The following GUCY1A2 variants were observed in gnomAD, a reference collection of about 807,000 sequenced individuals.
GUCY1A2 encodes the protein guanylate cyclase 1 soluble subunit alpha 2.
Under a neutral mutation model 63.5 loss-of-function variants are expected in GUCY1A2, and 27 were observed. The ratio of observed to expected loss-of-function variants is 0.43; its 90% CI spans 0.31 to 0.59. GUCY1A2 has a LOEUF of 0.59. GUCY1A2 is among the 20% of genes least tolerant of loss of function. The pLI is 0.11. For synonymous variants in GUCY1A2, 364 were observed against 343.5 expected, an observed-to-expected ratio of 1.06 and a Z score of -0.66; for missense variants, 768 against 913.3, an observed-to-expected ratio of 0.84 and a Z score of 2.05.
At chr11:106,914,933 G>C (rs982062112) in intron 4 of GUCY1A2, among the ~76,000 whole-genome samples, 4 of 152,056 alleles carry the variant, frequency 2.6e-5, no homozygotes, top group African/African-American at 9.7e-5. Flanking sequence ...GACAATGCAA[G>C]CAAGAACAGA....
intron 6 of GUCY1A2, among the ~76,000 whole-genome samples, chr11:106,721,638 A>G (rs1214854742): frequency 6.6e-6 from 1 of 152,200 alleles, no homozygotes; most frequent in Non-Finnish European, 1.5e-5. Flanking sequence ...TAACGTCAGC[A>G]GTAGGTCTCT....
chr11:106,675,850 TAAC>T lies in GUCY1A2; in HGVS notation c.*11696_*11698del, dbSNP rs1862337101. The T allele has an allele frequency of 5.3e-6, 1 of 188,594 alleles. No homozygotes were observed. Among genetic ancestry groups the T allele is most frequent in the African/African-American group, 2.3e-5 (1 of 42,832 alleles). The allele number at this position is 188,594 out of a possible 1,614,324, so 11.7% of individuals were successfully genotyped here. On this transcript the variant is annotated 3_prime_UTR_variant, in exon 8 of 8. Transcript: ENST00000526355. ...AAGTCAGTATAGGATAAACAAAAGTTAACAGAGAAATTCGTCCCTTTTGAAGTT... is the reference window on the plus strand; with the variant it reads ...AAGTCAGTATAGGATAAACAAAAGTTAGAGAAATTCGTCCCTTTTGAAGTT...
intron 6 of GUCY1A2, among the ~76,000 whole-genome samples, chr11:106,761,245 G>C (rs1591265393): frequency 1.3e-5 from 2 of 152,122 alleles, no homozygotes; most frequent in Non-Finnish European, 2.9e-5. Context: ...TATGAAATGA[G>C]AGTTGATCTT....
At chr11:106,970,800 C>T (rs1861183352) in intron 3 of GUCY1A2, among the ~76,000 whole-genome samples, 1 of 150,566 alleles carries the variant, frequency 6.6e-6, no homozygotes, top group East Asian at 1.9e-4. Flanking sequence ...TCATAATAAC[C>T]AAACATGTAA....
chr11:106,974,008 C>A (rs1325859419), intron 3 of GUCY1A2, among the ~76,000 whole-genome samples: 3 of 152,036 alleles, frequency 2.0e-5, no homozygotes, highest in East Asian at 3.9e-4. Context: ...TGAAGTAAAT[C>A]ATTCCAGTTC....
intron 2 of GUCY1A2, among the ~76,000 whole-genome samples, chr11:106,979,194 G>A (rs965340457): frequency 3.3e-5 from 5 of 152,130 alleles, no homozygotes; most frequent in African/African-American, 1.2e-4. Context: ...GGTGGCTCAC[G>A]CCTGTAATCC....
At chr11:106,958,222 A>G (rs546527424) in intron 3 of GUCY1A2, among the ~76,000 whole-genome samples, 1 of 152,290 alleles carries the variant, frequency 6.6e-6, no homozygotes, top group East Asian at 1.9e-4. Flanking sequence ...TGATTCATGA[A>G]GCCATCAAGT....
intron 6 of GUCY1A2, among the ~76,000 whole-genome samples, chr11:106,737,011 C>T (rs1341896128): frequency 6.6e-6 from 1 of 152,138 alleles, no homozygotes; most frequent in East Asian, 1.9e-4. Flanking sequence ...CAGGACTAGC[C>T]TACAGAGGGC....
intron 5 of GUCY1A2, among the ~76,000 whole-genome samples, chr11:106,795,497 A>G (rs1266574911): frequency 1.3e-5 from 2 of 152,214 alleles, no homozygotes; most frequent in East Asian, 3.8e-4. Context: ...GAACAGCATT[A>G]TCTTAATAGA....
chr11:107,017,885 G>C lies in GUCY1A2; in HGVS notation c.171C>G (p.Ala57=). ...EPSPAAAAAA[A]APAPTPAASA... ...AAGCAGCCGGGGTCGGGGCCGGGGC[G>C]GCGGCAGCGGCAGCTGCGGCCGGGC... Residue 57 remains alanine, a synonymous_variant, in exon 1 of 8, where the codon GCC becomes GCG. Coordinates refer to ENST00000526355, the MANE Select transcript of GUCY1A2 (RefSeq NM_000855.3). 1.6e-6 allele frequency: 2 copies of C among 1,244,740 alleles called. No homozygotes were observed. Among genetic ancestry groups the C allele is most frequent in the Non-Finnish European group, 2.0e-6 (2 of 991,314 alleles). 77.1% of individuals were successfully genotyped at this position (1,244,740 alleles called of 1,614,324 possible). A position where few individuals can be genotyped will look rare whatever the true frequency, so the allele number is the denominator to read the frequency against.
At position 106,949,882 on chromosome 11, in the gene GUCY1A2, T is replaced by C. The variant is rs1565341023; in HGVS notation, c.488-9704A>G. Among the ~76,000 whole-genome samples the C allele has an allele frequency of 2.6e-5, 4 of 152,184 alleles. No individual in the cohort carries two copies. In the South Asian group the frequency reaches 6.2e-4, roughly 24 times the overall value. ...CCGTGCCTTGTCTGTGGTGAATCTA[T>C]AAAAGAATGAATATAAAACCAATGG... is the stretch of plus-strand genomic sequence containing the variant. On this transcript the variant is annotated intron_variant, in intron 3 of 7. Coordinates refer to ENST00000526355, the MANE Select transcript of GUCY1A2 (RefSeq NM_000855.3).
Position 106,677,570 on chromosome 11 carries a change from A to C in GUCY1A2, c.*9979T>G, listed in dbSNP as rs1307297346. On this transcript the variant is annotated 3_prime_UTR_variant, in exon 8 of 8. Coordinates refer to ENST00000526355, the MANE Select transcript of GUCY1A2 (RefSeq NM_000855.3). ...CCTTTAAATATTCACTCTAATTAGCATATTTATTAAATTTCTTGTTTGTTT... is the reference window on the plus strand; with the variant it reads ...CCTTTAAATATTCACTCTAATTAGCCTATTTATTAAATTTCTTGTTTGTTT... 1 of 208,860 alleles carries C rather than the reference A, an allele frequency of 4.8e-6. No individual in the cohort carries two copies. Among genetic ancestry groups the C allele is most frequent in the Non-Finnish European group, 9.8e-6 (1 of 102,526 alleles). The allele number at this position is 208,860 out of a possible 1,614,324, so 12.9% of individuals were successfully genotyped here.
intron 4 of GUCY1A2, among the ~76,000 whole-genome samples, chr11:106,901,958 C>T (rs774899545): frequency 5.9e-5 from 9 of 151,960 alleles, no homozygotes; most frequent in East Asian, 1.9e-4. Context: ...ATATTTATTG[C>T]GGCTTTATTC....
At chr11:106,693,781 T>A (rs1862668110) in intron 7 of GUCY1A2, among the ~76,000 whole-genome samples, 2 of 152,120 alleles carry the variant, frequency 1.3e-5, no homozygotes, top group South Asian at 4.1e-4. Context: ...TCCACTCTTG[T>A]GGTATGATTA....
intron 7 of GUCY1A2, among the ~76,000 whole-genome samples, chr11:106,700,849 A>G (rs1032545335): frequency 6.6e-6 from 1 of 151,992 alleles, no homozygotes; most frequent in Non-Finnish European, 1.5e-5. Context: ...AATTTCTTGA[A>G]GTTTCTTTGG....
intron 4 of GUCY1A2, among the ~76,000 whole-genome samples, chr11:106,919,433 A>C (rs1860412380): frequency 6.6e-6 from 1 of 152,196 alleles, no homozygotes; most frequent in African/African-American, 2.4e-5. Context: ...TAACTAATTT[A>C]ATTGTGATAA....
At chr11:106,846,422 G>GA (rs1380115824) in intron 4 of GUCY1A2, among the ~76,000 whole-genome samples, 3 of 151,586 alleles carry the variant, frequency 2.0e-5, no homozygotes, top group East Asian at 1.9e-4. Flanking sequence ...AAAGTTGGTG[G>GA]AAAAAAATCT....
intron 5 of GUCY1A2, among the ~76,000 whole-genome samples, chr11:106,803,381 A>G (rs1858637255): frequency 1.3e-5 from 2 of 152,054 alleles, no homozygotes; most frequent in South Asian, 4.1e-4. Context: ...CCCTCCTTTT[A>G]TTTCTCTATC....
chr11:106,923,867 A>G (rs916544774), intron 4 of GUCY1A2, among the ~76,000 whole-genome samples: 1 of 152,138 alleles, frequency 6.6e-6, no homozygotes, highest in African/African-American at 2.4e-5. Flanking sequence ...ATCAGAGGAA[A>G]TTTTCGTGGG....
Sources: gnomAD v4.1 joint callset for allele counts (sites outside exome capture counted in the v4.1 genomes callset) on GRCh38, gnomAD v4.1.1 for gene constraint, MANE v1.5 for transcripts, NCBI Gene and HGNC (gene_info 2026-07-23, HGNC 2026-07-21) for gene names.